The following WDPCP variants were observed in gnomAD, a reference collection of about 807,000 sequenced individuals.
WDPCP encodes the protein WD repeat containing planar cell polarity effector.
WDPCP carries 71 observed loss-of-function variants against 93.1 expected under a neutral mutation model. That is an observed-to-expected ratio of 0.76 (90% CI 0.63 to 0.93). The LOEUF is 0.93. WDPCP is among the 40% of genes least tolerant of loss of function. The pLI, the probability that WDPCP is intolerant of heterozygous loss-of-function variation, is 0.00. For synonymous variants in WDPCP, 315 were observed against 315.0 expected (o/e 1.00, Z 0.00); for missense variants, 844 against 887.4 (o/e 0.95, Z 0.62).
At chr2:63,720,458 G>A (rs1201500095) in intron 2 of WDPCP, among the ~76,000 whole-genome samples, 2 of 149,206 alleles carry the variant, frequency 1.3e-5, no homozygotes, top group African/African-American at 2.5e-5. Context: ...CAACAAAAAA[G>A]TACTATCCTC....
intron 17 of WDPCP, among the ~76,000 whole-genome samples, chr2:63,140,163 T>C (rs573707066): frequency 2.2e-4 from 33 of 152,336 alleles, no homozygotes; most frequent in Non-Finnish European, 4.6e-4. Flanking sequence ...TTCAGTTCCA[T>C]TGATCTGTAT....
At chr2:63,601,630 C>G (rs1053793743) in intron 3 of WDPCP, among the ~76,000 whole-genome samples, 1 of 152,142 alleles carries the variant, frequency 6.6e-6, no homozygotes, top group African/African-American at 2.4e-5. Flanking sequence ...ATGCAAAGTA[C>G]CTGGCCTTTG....
intron 2 of WDPCP, among the ~76,000 whole-genome samples, chr2:63,694,884 T>A (rs1668941837): frequency 6.6e-6 from 1 of 152,142 alleles, no homozygotes; most frequent in Non-Finnish European, 1.5e-5. Flanking sequence ...GGAAAAACAC[T>A]GATTAGACTG....
chr2:63,531,501 A>T (rs1370115223), intron 1 of WDPCP, among the ~76,000 whole-genome samples: 1 of 152,190 alleles, frequency 6.6e-6, no homozygotes, highest in Non-Finnish European at 1.5e-5. Flanking sequence ...CAGAGGAAGG[A>T]TCAGGCAGCA....
intron 14 of WDPCP, among the ~76,000 whole-genome samples, chr2:63,243,068 A>C (rs573578709): frequency 6.6e-6 from 1 of 152,326 alleles, no homozygotes; most frequent in African/African-American, 2.4e-5. Context: ...CTCTTGTTTT[A>C]CAGTAGCTTA....
intron 9 of WDPCP, among the ~76,000 whole-genome samples, chr2:63,429,516 T>C (rs1696566852): frequency 6.6e-6 from 1 of 152,076 alleles, no homozygotes. Flanking sequence ...ATAACCTCTA[T>C]AAAAAGCGGG....
At chr2:63,497,898 C>G (rs1701327259) in intron 1 of WDPCP, among the ~76,000 whole-genome samples, 1 of 152,066 alleles carries the variant, frequency 6.6e-6, no homozygotes, top group African/African-American at 2.4e-5. Context: ...GGGGTGCGGG[C>G]AGGGATTAAA....
chr2:63,199,489 A>T (rs1675722957), intron 14 of WDPCP, among the ~76,000 whole-genome samples: 1 of 152,220 alleles, frequency 6.6e-6, no homozygotes, highest in Non-Finnish European at 1.5e-5. Context: ...AACTCCAGCC[A>T]TGGCTAAAAT....
At chr2:63,275,790 A>T (rs1244262889) in intron 13 of WDPCP, among the ~76,000 whole-genome samples, 2 of 152,200 alleles carry the variant, frequency 1.3e-5, no homozygotes, top group Non-Finnish European at 2.9e-5. Flanking sequence ...ATTTAATCTC[A>T]TTAAAATGAA....
chr2:63,391,292 A>G (rs1331155004), intron 10 of WDPCP, among the ~76,000 whole-genome samples: 2 of 152,206 alleles, frequency 1.3e-5, no homozygotes, highest in Non-Finnish European at 2.9e-5. Context: ...GACAAAAACC[A>G]TATGATTATC....
intron 2 of WDPCP, chr2:63,752,525 C>A (rs1669899309): frequency 1.4e-6 from 1 of 723,726 alleles, no homozygotes; most frequent in African/African-American, 1.7e-5. Context: ...TGTGAGCATT[C>A]CCCATTGCTC....
chr2:63,707,335 C>T (rs1172477559), intron 2 of WDPCP, among the ~76,000 whole-genome samples: 1 of 152,116 alleles, frequency 6.6e-6, no homozygotes. Flanking sequence ...TCTTTTTATT[C>T]TTTTTTCTCT....
At chr2:63,358,641 G>C (rs1373171138) in intron 12 of WDPCP, among the ~76,000 whole-genome samples, 1 of 152,050 alleles carries the variant, frequency 6.6e-6, no homozygotes, top group Non-Finnish European at 1.5e-5. Flanking sequence ...ATTTTTTGTA[G>C]AGATGGGGTC....
intron 3 of WDPCP, among the ~76,000 whole-genome samples, chr2:63,614,217 T>C (rs1709649082): frequency 6.6e-6 from 1 of 152,186 alleles, no homozygotes; most frequent in South Asian, 2.1e-4. Flanking sequence ...ATGAAGAAGA[T>C]TTTTAAACCT....
Position 63,378,395 on chromosome 2 carries a change from T to TGA in WDPCP, c.1737_1738dup (p.His580LeufsTer15). ...CAAACATATCATTCACCTGAGCAAG[T>TGA]GATGGAAGAATCTCCTTGCATATTT... is the stretch of plus-strand genomic sequence containing the variant. On this transcript the variant is annotated frameshift_variant, in exon 12 of 18. Transcript: ENST00000272321. LOFTEE classifies it high-confidence loss of function. The TGA allele has an allele frequency of 6.2e-7, 1 of 1,613,026 alleles. No homozygotes were observed. Among genetic ancestry groups the TGA allele is most frequent in the South Asian group, 1.1e-5 (1 of 91,072 alleles).
At chr2:63,756,061 G>T (rs1315531476) in intron 2 of WDPCP, among the ~76,000 whole-genome samples, 4 of 152,152 alleles carry the variant, frequency 2.6e-5, no homozygotes, top group Non-Finnish European at 5.9e-5. Context: ...GTTGTAACAA[G>T]AACCTCAAGT....
chr2:63,777,651 A>G (rs1670324737), intron 2 of WDPCP, among the ~76,000 whole-genome samples: 1 of 152,232 alleles, frequency 6.6e-6, no homozygotes, highest in South Asian at 2.1e-4. Flanking sequence ...ATGCTGAAAG[A>G]AGCCAGACAA....
chr2:63,173,987 C>G lies in WDPCP; in HGVS notation c.2078+683G>C, dbSNP rs973087375. ...TTTATGAAGTTTTATTGTAACACTG[C>G]CATTCTCATTCATTTATATATTGTC... On this transcript the variant is annotated intron_variant, in intron 15 of 17. Transcript: ENST00000272321. 4.6e-5 allele frequency among the ~76,000 whole-genome samples: 7 copies of G among 151,966 alleles called. No individual in the cohort carries two copies. The East Asian group carries it at 1.3e-3, about 29-fold the overall frequency.
At chr2:63,753,732 T>C (rs180993462) in intron 2 of WDPCP, among the ~76,000 whole-genome samples, 2 of 152,302 alleles carry the variant, frequency 1.3e-5, no homozygotes, top group African/African-American at 4.8e-5. Context: ...ACCACCTCCA[T>C]GATCCAATCA....
Sources: gnomAD v4.1 joint callset for allele counts (sites outside exome capture counted in the v4.1 genomes callset) on GRCh38, gnomAD v4.1.1 for gene constraint, MANE v1.5 for transcripts, NCBI Gene and HGNC (gene_info 2026-07-23, HGNC 2026-07-21) for gene names.